The following ARHGEF35 variants were observed in gnomAD, a reference collection of about 807,000 sequenced individuals.
ARHGEF35 encodes Rho guanine nucleotide exchange factor (GEF) 35.
For synonymous variants in ARHGEF35, 47 were observed against 170.4 expected (o/e 0.28, Z 5.64); for missense variants, 114 against 449.7 (o/e 0.25, Z 6.75).
At position 144,190,869 on chromosome 7, in the gene ARHGEF35, C is replaced by T. The variant is rs573418128; in HGVS notation, c.-12-2474G>A. On this transcript the variant is annotated intron_variant, in intron 1 of 1. Coordinates refer to ENST00000378115, the MANE Select transcript of ARHGEF35 (RefSeq NM_001003702.3). ...CCCAGGAGGCAGAGGCTGCAGTGAG[C>T]CAAGATCACATCACTGCATTCCAGC... Among the ~76,000 whole-genome samples, 53 of 135,596 alleles carry T rather than the reference C, an allele frequency of 3.9e-4. 1 individual carries two copies. Among genetic ancestry groups the T allele is most frequent in the Non-Finnish European group, 6.1e-4 (38 of 62,492 alleles). 89.0% of individuals were successfully genotyped at this position (135,596 alleles called of 152,430 possible).
chr7:144,193,873 G>T (rs779478712), intron 1 of ARHGEF35, among the ~76,000 whole-genome samples: 2,628 of 144,104 alleles, frequency 0.018, 5 homozygotes, highest in African/African-American at 0.065. Flanking sequence ...GACCTTGAGG[G>T]TGACTTTGTT....
chr7:144,189,806 C>CTTTTTT, intron 1 of ARHGEF35, among the ~76,000 whole-genome samples: 1 of 102,066 alleles, frequency 9.8e-6, no homozygotes, highest in Non-Finnish European at 1.9e-5. Context: ...TTTTTTCTTT[C>CTTTTTT]TTTTTTTTTT....
chr7:144,191,392 G>A (rs1448476583), intron 1 of ARHGEF35, among the ~76,000 whole-genome samples: 3 of 72,610 alleles, frequency 4.1e-5, no homozygotes, highest in Non-Finnish European at 7.2e-5. Flanking sequence ...ACTTCTCTCT[G>A]TGTCTCTCAC....
At chr7:144,192,285 A>T (rs2052011398) in intron 1 of ARHGEF35, among the ~76,000 whole-genome samples, 1 of 86,852 alleles carries the variant, frequency 1.2e-5, no homozygotes, top group Admixed American at 1.1e-4. Context: ...ACACTGAGCC[A>T]TCCTTACAAA....
intron 1 of ARHGEF35, among the ~76,000 whole-genome samples, chr7:144,192,255 A>T (rs2052010909): frequency 1.0e-5 from 1 of 95,248 alleles, no homozygotes; most frequent in African/African-American, 4.8e-5. Context: ...ACACACACAC[A>T]CACACACACA....
Position 144,186,918 on chromosome 7 carries a change from A to G in ARHGEF35, c.*11T>C. 3 of 1,462,112 alleles carry G rather than the reference A, an allele frequency of 2.1e-6. 1 individual carries two copies. The highest frequency in any genetic ancestry group is 1.9e-6 in the Non-Finnish European group (2 of 1,075,850). 90.6% of individuals were successfully genotyped at this position (1,462,112 alleles called of 1,614,324 possible). A position where few individuals can be genotyped will look rare whatever the true frequency, so the allele number is the denominator to read the frequency against. ...ATACATTGAACTGGATAAACATGAAACTGTGACATATCAAAGTACTGATAG... is the reference window on the plus strand; with the variant it reads ...ATACATTGAACTGGATAAACATGAAGCTGTGACATATCAAAGTACTGATAG... On this transcript the variant is annotated 3_prime_UTR_variant, in exon 2 of 2. Transcript: ENST00000378115.
chr7:144,186,259 G>C lies in ARHGEF35; in HGVS notation c.*670C>G, dbSNP rs2051949442. ...TCATGCCAAGAACTGTATTCACTGTGGTTGTAGATAAATGTGAAAGTAACT... is the reference window on the plus strand; with the variant it reads ...TCATGCCAAGAACTGTATTCACTGTCGTTGTAGATAAATGTGAAAGTAACT... On this transcript the variant is annotated 3_prime_UTR_variant, in exon 2 of 2. Coordinates refer to ENST00000378115, the MANE Select transcript of ARHGEF35 (RefSeq NM_001003702.3). 6.0e-6 allele frequency: 1 copy of C among 165,294 alleles called. No individual in the cohort carries two copies. Among genetic ancestry groups the C allele is most frequent in the Admixed American group, 5.9e-5 (1 of 17,048 alleles). 10.2% of individuals were successfully genotyped at this position (165,294 alleles called of 1,614,324 possible).
Position 144,186,997 on chromosome 7 carries a change from T to C in ARHGEF35, c.1387A>G (p.Ile463Val). 1 of 1,545,466 alleles carries C rather than the reference T, an allele frequency of 6.5e-7. No individual in the cohort carries two copies. The highest frequency in any genetic ancestry group is 1.1e-5 in the South Asian group (1 of 90,572). Residue 463 changes from isoleucine (I) to valine (V), a missense_variant, in exon 2 of 2, where the codon ATT (isoleucine) becomes GTT (valine). By Grantham distance (29) the Ile-to-Val change is conservative. Transcript: ENST00000378115. ...GTCAAAAAGGAGCCCAGTAGAGAAA[T>C]GGGCTGGTGAGAGCATCTGATGGGC... is the stretch of plus-strand genomic sequence containing the variant. ...LEPIRCSHQP[I>V]SLLGSFLTEE...
intron 1 of ARHGEF35, among the ~76,000 whole-genome samples, chr7:144,192,230 TACACACACACACACAC>T (rs2699831): frequency 6.4e-5 from 4 of 62,780 alleles, no homozygotes; most frequent in African/African-American, 2.4e-4. Context: ...CCACTGTGTG[TACACACACACACACAC>T]ACACACACAC....
intron 1 of ARHGEF35, among the ~76,000 whole-genome samples, chr7:144,190,140 C>A (rs2051988731): frequency 9.8e-6 from 1 of 101,840 alleles, no homozygotes; most frequent in Non-Finnish European, 2.0e-5. Context: ...TTGTACCCCT[C>A]TTTGTAGCAC....
In ARHGEF35 at chr7:144,186,878, A is replaced by C. The variant is rs532022811; in HGVS notation, c.*51T>G. 3,546 of 1,301,968 alleles carry C rather than the reference A, an allele frequency of 2.7e-3. 456 individuals are homozygous for C. Among genetic ancestry groups the C allele is most frequent in the Middle Eastern group, 0.016 (76 of 4,698 alleles). The allele number at this position is 1,301,968 out of a possible 1,614,324, so 80.7% of individuals were successfully genotyped here. A position where few individuals can be genotyped will look rare whatever the true frequency, so the allele number is the denominator to read the frequency against. On this transcript the variant is annotated 3_prime_UTR_variant, in exon 2 of 2. Coordinates refer to ENST00000378115, the MANE Select transcript of ARHGEF35 (RefSeq NM_001003702.3). ...TAATCTATCAGTCAAAGAAGTCTCAAGGAAAAATTTAAAAATACATTGAAC... is the reference window on the plus strand; with the variant it reads ...TAATCTATCAGTCAAAGAAGTCTCACGGAAAAATTTAAAAATACATTGAAC...
chr7:144,187,031 G>T lies in ARHGEF35; in HGVS notation c.1353C>A (p.Pro451=), dbSNP rs1354852149. 6.5e-7 allele frequency: 1 copy of T among 1,545,532 alleles called. No homozygotes were observed. Among genetic ancestry groups the T allele is most frequent in the Non-Finnish European group, 8.9e-7 (1 of 1,123,622 alleles). The change falls in exon 2 of 2, where the codon CCC becomes CCA. Residue 451 remains proline (P), a synonymous_variant. Coordinates refer to ENST00000378115, the MANE Select transcript of ARHGEF35 (RefSeq NM_001003702.3). The part of the protein sequence containing the change: ...AEELSPAALS[P]LLEPIRCSHQ... Reference sequence around the variant, plus strand: ...GAGAGCATCTGATGGGCTCTAGCAAGGGAGACAGAGCTGCGGGGGACAGTT... The same window carrying T: ...GAGAGCATCTGATGGGCTCTAGCAATGGAGACAGAGCTGCGGGGGACAGTT...
intron 1 of ARHGEF35, among the ~76,000 whole-genome samples, chr7:144,189,492 G>A (rs1177576349): frequency 1.1e-4 from 9 of 81,248 alleles, no homozygotes; most frequent in Admixed American, 1.0e-3. Flanking sequence ...CATCCCTGCT[G>A]AACAACCCCT....
intron 1 of ARHGEF35, among the ~76,000 whole-genome samples, chr7:144,192,157 C>T (rs1361854352): frequency 8.0e-6 from 1 of 125,000 alleles, no homozygotes; most frequent in African/African-American, 3.3e-5. Flanking sequence ...TGACCGTGCA[C>T]CTTTCTTGTC....
rs544152654 is a variant in ARHGEF35, at chr7:144,191,171, C to G, written c.-12-2776G>C. ...ACGTTATTCCAGTCCTTTCTCCATA[C>G]AGCACCTAAGTGAGCTTCAAAAGCA... On this transcript the variant is annotated intron_variant, in intron 1 of 1. Coordinates refer to ENST00000378115, the MANE Select transcript of ARHGEF35 (RefSeq NM_001003702.3). Among the ~76,000 whole-genome samples the G allele has an allele frequency of 2.1e-3, 224 of 106,624 alleles. 51 individuals are homozygous for G. The highest frequency in any genetic ancestry group is 7.3e-3 in the African/African-American group (214 of 29,274). 69.9% of individuals were successfully genotyped at this position (106,624 alleles called of 152,430 possible).
chr7:144,186,903 C>G lies in ARHGEF35; in HGVS notation c.*26G>C, dbSNP rs770651946. The G allele has an allele frequency of 4.1e-5, 58 of 1,398,192 alleles. 10 individuals are homozygous for G. Among genetic ancestry groups the G allele is most frequent in the Non-Finnish European group, 5.4e-5 (56 of 1,037,398 alleles). 86.6% of individuals were successfully genotyped at this position (1,398,192 alleles called of 1,614,324 possible). On this transcript the variant is annotated 3_prime_UTR_variant, in exon 2 of 2. Coordinates refer to ENST00000378115, the MANE Select transcript of ARHGEF35 (RefSeq NM_001003702.3). Reference sequence around the variant, plus strand: ...AGGAAAAATTTAAAAATACATTGAACTGGATAAACATGAAACTGTGACATA... The same window carrying G: ...AGGAAAAATTTAAAAATACATTGAAGTGGATAAACATGAAACTGTGACATA...
chr7:144,189,861 C>T (rs1446387980), intron 1 of ARHGEF35, among the ~76,000 whole-genome samples: 2 of 126,632 alleles, frequency 1.6e-5, no homozygotes, highest in African/African-American at 6.4e-5. Context: ...GGCTGGAGTG[C>T]CGTGGTGCAA....
chr7:144,192,230 T>TGTACAAAC (rs763325598), intron 1 of ARHGEF35, among the ~76,000 whole-genome samples: 2 of 62,774 alleles, frequency 3.2e-5, no homozygotes, highest in African/African-American at 1.6e-4. Context: ...CCACTGTGTG[T>TGTACAAAC]ACACACACAC....
rs1386199562 is a variant in ARHGEF35, at chr7:144,186,947, T to C, written c.1437A>G (p.Lys479=). Reference sequence around the variant, plus strand: ...TGACATATCAAAGTACTGATAGAAGTTTTTCCTTGTCAGGTGACTCCTCAG... The same window carrying C: ...TGACATATCAAAGTACTGATAGAAGCTTTTCCTTGTCAGGTGACTCCTCAG... ...FLTEESPDKE[K]LLSVL The change falls in exon 2 of 2, where the codon AAA becomes AAG. Residue 479 remains lysine, a synonymous_variant. Transcript: ENST00000378115. 2.6e-6 allele frequency: 4 copies of C among 1,518,942 alleles called. No homozygotes were observed. The highest frequency in any genetic ancestry group is 1.1e-5 in the South Asian group (1 of 88,214). 94.1% of individuals were successfully genotyped at this position (1,518,942 alleles called of 1,614,324 possible). A position where few individuals can be genotyped will look rare whatever the true frequency, so the allele number is the denominator to read the frequency against.
Sources: gnomAD v4.1 joint callset for allele counts (sites outside exome capture counted in the v4.1 genomes callset) on GRCh38, gnomAD v4.1.1 for gene constraint, MANE v1.5 for transcripts, NCBI Gene and HGNC (gene_info 2026-07-23, HGNC 2026-07-21) for gene names.